The following STK32B variants were observed in gnomAD, a reference collection of about 807,000 sequenced individuals.
STK32B encodes the protein serine/threonine kinase 32B, also known as serine/threonine-protein kinase 32B.
Under a neutral mutation model 52.6 loss-of-function variants are expected in STK32B, and 43 were observed. The observed-to-expected ratio is 0.82, with a 90% CI of 0.64 to 1.05. The LOEUF is 1.05. Among genes scored for constraint, STK32B ranks in the 50% least tolerant of loss-of-function variants. STK32B has a pLI of 0.00. For synonymous variants in STK32B, 238 were observed against 204.3 expected (o/e 1.17, Z -1.41); for missense variants, 621 against 534.6 (o/e 1.16, Z -1.59).
intron 11 of STK32B, among the ~76,000 whole-genome samples, chr4:5,473,472 C>T (rs947464925): frequency 6.6e-6 from 1 of 152,048 alleles, no homozygotes. Context: ...TATGCTTATT[C>T]CCCCCCATTT....
At chr4:5,238,634 G>A (rs1724794103) in intron 3 of STK32B, among the ~76,000 whole-genome samples, 1 of 152,080 alleles carries the variant, frequency 6.6e-6, no homozygotes, top group Non-Finnish European at 1.5e-5. Flanking sequence ...GTATCTTTTC[G>A]GGCTTAAATT....
chr4:5,443,963 G>A (rs1023166504), intron 6 of STK32B, among the ~76,000 whole-genome samples: 4 of 152,230 alleles, frequency 2.6e-5, no homozygotes, highest in African/African-American at 9.6e-5. Context: ...CCAGTTCTCA[G>A]ATCTCCAGCT....
intron 2 of STK32B, among the ~76,000 whole-genome samples, chr4:5,155,041 C>G (rs1210115318): frequency 6.6e-6 from 1 of 152,246 alleles, no homozygotes; most frequent in Non-Finnish European, 1.5e-5. Flanking sequence ...CCTGCTCATT[C>G]TGTTCCAGCC....
chr4:5,485,147 C>G (rs1317589658), intron 11 of STK32B, among the ~76,000 whole-genome samples: 1 of 152,156 alleles, frequency 6.6e-6, no homozygotes, highest in South Asian at 2.1e-4. Context: ...TCTTGCTACA[C>G]TGAAGAAGTT....
At position 5,364,882 on chromosome 4, in the gene STK32B, A is replaced by C. The variant is rs550888914; in HGVS notation, c.435-33325A>C. Among the ~76,000 whole-genome samples the C allele has an allele frequency of 2.6e-5, 4 of 151,952 alleles. No individual in the cohort carries two copies. The East Asian group carries it at 7.7e-4, about 29-fold the overall frequency. On this transcript the variant is annotated intron_variant, in intron 4 of 11. Transcript: ENST00000282908. The stretch of plus-strand genomic sequence containing the variant: ...CCTGGAAAAAAATGTTATTATTATT[A>C]ATTATTATTTAGATGGAGTTTTTGC...
At chr4:5,022,802 G>A in the STK32B span, among the ~76,000 whole-genome samples, 1 of 152,090 alleles carries the variant, frequency 6.6e-6, no homozygotes, top group Non-Finnish European at 1.5e-5. Context: ...GCACTGAGAT[G>A]GGTGAAAAGA....
chr4:5,265,584 C>T (rs1727006477), intron 3 of STK32B, among the ~76,000 whole-genome samples: 2 of 152,180 alleles, frequency 1.3e-5, no homozygotes, highest in African/African-American at 4.8e-5. Context: ...ATATTCCAAA[C>T]CACACCAAGA....
At position 5,466,757 on chromosome 4, in the gene STK32B, TCCAAG is replaced by T; in HGVS notation, c.968_972del (p.Lys323ThrfsTer148). 1 of 1,613,890 alleles carries T rather than the reference TCCAAG, an allele frequency of 6.2e-7. No individual in the cohort carries two copies. Among genetic ancestry groups the T allele is most frequent in the Non-Finnish European group, 8.5e-7 (1 of 1,179,924 alleles). On this transcript the variant is annotated frameshift_variant, in exon 10 of 12. Transcript: ENST00000282908. LOFTEE classifies it high-confidence loss of function. ...TGAGCTTGAAGAGATGATTCTAGAA[TCCAAG>T]CCACTTCACAAAAAGAAGAAGCGAT...
rs919737392 is a variant in STK32B at position 5,437,965 on chromosome 4, C to G, written c.563-8708C>G. On this transcript the variant is annotated intron_variant, in intron 6 of 11. Coordinates refer to ENST00000282908, the MANE Select transcript of STK32B (RefSeq NM_018401.3). Reference sequence around the variant, plus strand: ...GTGGGGGAGGAGGGAATGTCACCTTCTCTAGGACTGCAGACATTTGTCGCT... The same window carrying G: ...GTGGGGGAGGAGGGAATGTCACCTTGTCTAGGACTGCAGACATTTGTCGCT... 7 of 985,450 alleles carry G rather than the reference C, an allele frequency of 7.1e-6. No homozygotes were observed. The African/African-American group carries it at 1.2e-4, about 17-fold the overall frequency. 61.0% of individuals were successfully genotyped at this position (985,450 alleles called of 1,614,324 possible). A position where few individuals can be genotyped will look rare whatever the true frequency, so the allele number is the denominator to read the frequency against.
At chr4:5,274,816 G>C (rs28532187) in intron 3 of STK32B, among the ~76,000 whole-genome samples, 2 of 152,030 alleles carry the variant, frequency 1.3e-5, no homozygotes, top group East Asian at 1.9e-4. Context: ...GCTGTTTGCC[G>C]CGGTTGCAGA....
chr4:5,131,026 C>T (rs1198158652), intron 1 of STK32B, among the ~76,000 whole-genome samples: 4 of 152,210 alleles, frequency 2.6e-5, no homozygotes, highest in Non-Finnish European at 4.4e-5. Flanking sequence ...CCGCTGCACC[C>T]GTCACCCCCT....
At chr4:5,283,232 G>A (rs113005512) in intron 3 of STK32B, among the ~76,000 whole-genome samples, 1,685 of 152,066 alleles carry the variant, frequency 0.011, 20 homozygotes, top group African/African-American at 0.039. Context: ...CATTAATGTT[G>A]TCACAAATGA....
chr4:5,398,151 G>A lies in STK32B; in HGVS notation c.435-56G>A, dbSNP rs1737043229. Reference sequence around the variant, plus strand: ...TTGTCCTGATGTGGTGCTTGTCTATGTGCTCATCTGTGGGCTCAGGAACCA... The same window carrying A: ...TTGTCCTGATGTGGTGCTTGTCTATATGCTCATCTGTGGGCTCAGGAACCA... On this transcript the variant is annotated intron_variant, in intron 4 of 11. Coordinates refer to ENST00000282908, the MANE Select transcript of STK32B (RefSeq NM_018401.3). The surrounding 1 kb of genome is among the most constrained non-coding windows in gnomAD (Gnocchi z 4.9). 6.2e-7 allele frequency: 1 copy of A among 1,604,026 alleles called. No homozygotes were observed. The highest frequency in any genetic ancestry group is 8.5e-7 in the Non-Finnish European group (1 of 1,173,380).
At chr4:5,153,980 T>C (rs9996427) in intron 2 of STK32B, among the ~76,000 whole-genome samples, 1 of 151,980 alleles carries the variant, frequency 6.6e-6, no homozygotes, top group African/African-American at 2.4e-5. Flanking sequence ...TATAGTTATC[T>C]ATACTAGATT....
chr4:5,024,800 G>A, the STK32B span, among the ~76,000 whole-genome samples: 7 of 152,318 alleles, frequency 4.6e-5, no homozygotes, highest in South Asian at 6.2e-4. Flanking sequence ...GCCCTCAACC[G>A]ATGATTCATG....
At chr4:5,074,209 T>TGTGTGTGTGTGTGTGC (rs397878571) in intron 1 of STK32B, among the ~76,000 whole-genome samples, 19 of 144,216 alleles carry the variant, frequency 1.3e-4, no homozygotes, top group African/African-American at 4.8e-4. Flanking sequence ...TGTGTGTGTG[T>TGTGTGTGTGTGTGTGC]GCGCGTGCGT....
At chr4:5,142,319 C>T (rs16836705) in intron 2 of STK32B, among the ~76,000 whole-genome samples, 1,910 of 152,258 alleles carry the variant, frequency 0.013, 37 homozygotes, top group East Asian at 0.095. Context: ...TTCTGCTTCT[C>T]TTTTACTTAT....
intron 4 of STK32B, among the ~76,000 whole-genome samples, chr4:5,364,464 G>A (rs1201680811): frequency 6.6e-6 from 1 of 152,202 alleles, no homozygotes; most frequent in Admixed American, 6.5e-5. Flanking sequence ...CCCACTGCCT[G>A]TGTCCAGCTG....
chr4:5,490,962 C>A (rs1309200951), intron 11 of STK32B, among the ~76,000 whole-genome samples: 1 of 152,162 alleles, frequency 6.6e-6, no homozygotes, highest in Non-Finnish European at 1.5e-5. Context: ...TTTTCTTAAT[C>A]CAGTCTATCA....
Sources: gnomAD v4.1 joint callset for allele counts (sites outside exome capture counted in the v4.1 genomes callset) on GRCh38, gnomAD v4.1.1 for gene constraint, Gnocchi (gnomAD v3.1) non-coding constraint, MANE v1.5 for transcripts, NCBI Gene and HGNC (gene_info 2026-07-23, HGNC 2026-07-21) for gene names.